Variants in TTC28 observed in about 807,000 individuals in gnomAD.
The protein encoded by TTC28 is tetratricopeptide repeat domain 28.
TTC28 carries 61 observed loss-of-function variants against 198.0 expected under a neutral mutation model. The ratio of observed to expected loss-of-function variants is 0.31; its 90% CI spans 0.25 to 0.38. The LOEUF is 0.38. TTC28 is among the 10% of genes least tolerant of loss of function. The pLI is 1.00. For missense variants in TTC28, 2,678 were observed against 3,164.0 expected, an observed-to-expected ratio of 0.85 and a Z score of 3.69; for synonymous variants, 1,171 against 1,297.8, an observed-to-expected ratio of 0.90 and a Z score of 2.10.
chr22:28,084,725 G>A (rs1941500770), intron 12 of TTC28, among the ~76,000 whole-genome samples: 1 of 152,088 alleles, frequency 6.6e-6, no homozygotes, highest in Admixed American at 6.6e-5. Flanking sequence ...GCTAAAGAAG[G>A]AAGTTCGAAC....
intron 2 of TTC28, among the ~76,000 whole-genome samples, chr22:28,502,643 G>A (rs767264108): frequency 4.7e-5 from 7 of 149,970 alleles, no homozygotes; most frequent in East Asian, 3.9e-4. Flanking sequence ...GCAAGGCTCC[G>A]TCTCAAAAAA....
chr22:28,292,757 C>T (rs1312695869), intron 5 of TTC28, among the ~76,000 whole-genome samples: 1 of 152,176 alleles, frequency 6.6e-6, no homozygotes, highest in African/African-American at 2.4e-5. Flanking sequence ...GTGATTAAGA[C>T]AGCATTCATC....
At position 28,342,994 on chromosome 22, in the gene TTC28, A is replaced by G. The variant is rs143473144; in HGVS notation, c.382-36351T>C. 2.0e-5 allele frequency among the ~76,000 whole-genome samples: 3 copies of G among 152,338 alleles called. No individual in the cohort carries two copies. The East Asian group carries it at 5.8e-4, about 29-fold the overall frequency. ...AGAGAACCAACTACTCTCACAAAAT[A>G]AAGTGAAAATAAATATTTTCACTAT... On this transcript the variant is annotated intron_variant, in intron 2 of 22. Transcript: ENST00000397906.
intron 8 of TTC28, among the ~76,000 whole-genome samples, chr22:28,104,433 T>C (rs1387621291): frequency 2.0e-5 from 3 of 152,164 alleles, no homozygotes; most frequent in Non-Finnish European, 2.9e-5. Context: ...CCCCTGGAAA[T>C]GAGAGTTTTT....
intron 2 of TTC28, among the ~76,000 whole-genome samples, chr22:28,347,740 CA>C (rs1160917310): frequency 3.3e-5 from 5 of 152,106 alleles, no homozygotes; most frequent in African/African-American, 1.2e-4. Flanking sequence ...GGTGTGGTGG[CA>C]GACCACCTGT....
In TTC28 at chr22:28,175,503, G is replaced by A. The variant is rs528196476; in HGVS notation, c.934-11904C>T. Among the ~76,000 whole-genome samples the A allele has an allele frequency of 1.1e-4, 17 of 152,174 alleles. No individual in the cohort carries two copies. The South Asian group carries it at 1.7e-3, about 15-fold the overall frequency. ...TCCCAGCAGTTTGGGAGGCCGAGGC[G>A]GGTGGATGCCCTGAGGTCAGGAGTT... is the stretch of plus-strand genomic sequence containing the variant. On this transcript the variant is annotated intron_variant, in intron 5 of 22. Coordinates refer to ENST00000397906, the MANE Select transcript of TTC28 (RefSeq NM_001145418.2).
chr22:28,588,215 A>AAT (rs1555897842), intron 2 of TTC28, among the ~76,000 whole-genome samples: 1 of 152,130 alleles, frequency 6.6e-6, no homozygotes, highest in Non-Finnish European at 1.5e-5. Flanking sequence ...TAATTTTAAA[A>AAT]ATATATATAA....
At chr22:28,246,466 T>C (rs546484372) in intron 5 of TTC28, among the ~76,000 whole-genome samples, 1 of 152,330 alleles carries the variant, frequency 6.6e-6, no homozygotes, top group East Asian at 1.9e-4. Context: ...GAAGCTAATC[T>C]TAATACTTTT....
chr22:28,021,390 G>C (rs1938589506), intron 13 of TTC28, among the ~76,000 whole-genome samples: 1 of 152,142 alleles, frequency 6.6e-6, no homozygotes, highest in South Asian at 2.1e-4. Context: ...TGCCTGGGGA[G>C]GGGCAGCTAG....
At chr22:28,625,554 G>A (rs1272475466) in intron 2 of TTC28, among the ~76,000 whole-genome samples, 1 of 152,132 alleles carries the variant, frequency 6.6e-6, no homozygotes, top group East Asian at 1.9e-4. Flanking sequence ...GAAGGCCTAA[G>A]TAAATGGAGG....
At chr22:28,489,135 T>C (rs2048344825) in intron 2 of TTC28, among the ~76,000 whole-genome samples, 1 of 151,916 alleles carries the variant, frequency 6.6e-6, no homozygotes, top group African/African-American at 2.4e-5. Flanking sequence ...TATTTAAAAA[T>C]TAGCTGGGCA....
intron 2 of TTC28, among the ~76,000 whole-genome samples, chr22:28,599,182 A>G (rs1231182660): frequency 6.6e-6 from 1 of 152,268 alleles, no homozygotes; most frequent in Non-Finnish European, 1.5e-5. Context: ...GATTAAAGAA[A>G]AAGAATAGCC....
rs577799818 is a variant in TTC28, at chr22:28,572,951, C to T, written c.381+56601G>A. On this transcript the variant is annotated intron_variant, in intron 2 of 22. Transcript: ENST00000397906. ...ATTGCTTGAGGCCATGAGTCTCAGA[C>T]CAGCCTGAGCAACACAGGGAGACCC... Among the ~76,000 whole-genome samples, 6 of 152,090 alleles carry T rather than the reference C, an allele frequency of 3.9e-5. No individual in the cohort carries two copies. In the South Asian group the frequency reaches 6.2e-4, roughly 16 times the overall value.
At chr22:28,037,253 A>T (rs896590727) in intron 12 of TTC28, among the ~76,000 whole-genome samples, 87 of 152,208 alleles carry the variant, frequency 5.7e-4, no homozygotes, top group African/African-American at 2.0e-3. Flanking sequence ...ACGACCATCG[A>T]CGCAAAAATC....
chr22:28,415,481 G>T (rs185266027), intron 2 of TTC28, among the ~76,000 whole-genome samples: 73 of 152,248 alleles, frequency 4.8e-4, no homozygotes, highest in Admixed American at 4.6e-3. Flanking sequence ...TTCAAAAACA[G>T]ATTCACTTAA....
At chr22:28,508,023 C>G (rs1222687706) in intron 2 of TTC28, among the ~76,000 whole-genome samples, 1 of 152,160 alleles carries the variant, frequency 6.6e-6, no homozygotes, top group African/African-American at 2.4e-5. Flanking sequence ...AACCAGCTAG[C>G]ATCATGATGC....
intron 2 of TTC28, among the ~76,000 whole-genome samples, chr22:28,578,455 GA>G (rs1187145547): frequency 6.6e-6 from 1 of 151,972 alleles, no homozygotes; most frequent in Non-Finnish European, 1.5e-5. Context: ...AAATTAAAAA[GA>G]AACAAGAACT....
intron 2 of TTC28, among the ~76,000 whole-genome samples, chr22:28,541,413 G>A (rs750836530): frequency 2.0e-5 from 3 of 152,150 alleles, no homozygotes; most frequent in Non-Finnish European, 2.9e-5. Context: ...CAAGGTGGCA[G>A]GGCAAAGCCT....
intron 2 of TTC28, among the ~76,000 whole-genome samples, chr22:28,555,788 T>G (rs1268458633): frequency 6.6e-6 from 1 of 152,154 alleles, no homozygotes; most frequent in Non-Finnish European, 1.5e-5. Context: ...GCCACTAAAG[T>G]ACTTATTAAT....
Sources: gnomAD v4.1 joint callset for allele counts (sites outside exome capture counted in the v4.1 genomes callset) on GRCh38, gnomAD v4.1.1 for gene constraint, MANE v1.5 for transcripts, NCBI Gene and HGNC (gene_info 2026-07-23, HGNC 2026-07-21) for gene names.